The following URI1 variants were observed in gnomAD, a reference collection of about 807,000 sequenced individuals.
The protein encoded by URI1 is unconventional prefoldin RPB5 interactor 1.
Under a neutral mutation model 60.2 loss-of-function variants are expected in URI1, and 39 were observed. That is an observed-to-expected ratio of 0.65 (90% CI 0.50 to 0.85). The LOEUF is 0.85. Ranked by LOEUF, URI1 falls within the 40% of genes least tolerant of loss-of-function variation. URI1 has a pLI of 0.00. For synonymous variants in URI1, 251 were observed against 236.8 expected (o/e 1.06, Z -0.55); for missense variants, 691 against 665.9 (o/e 1.04, Z -0.42).
In URI1 at chr19:29,971,195, G is replaced by A; in HGVS notation, c.120G>A (p.Val40=). The change falls in exon 2 of 11, where the codon GTG becomes GTA. Residue 40 remains valine (V), a splice_region_variant and synonymous_variant. Transcript: ENST00000392271. The part of the protein sequence containing the change: ...VARLREEQEK[V]VTNCQERIQH... Reference sequence around the variant, plus strand: ...GTAGTTATCTGTTTTCATGACAGGTGGTCACTAACTGCCAAGAGAGAATCC... The same window carrying A: ...GTAGTTATCTGTTTTCATGACAGGTAGTCACTAACTGCCAAGAGAGAATCC... 1.2e-6 allele frequency: 2 copies of A among 1,613,144 alleles called. No homozygotes were observed. The highest frequency in any genetic ancestry group is 1.7e-6 in the Non-Finnish European group (2 of 1,179,376).
chr19:30,001,363 AAGAG>A (rs939298932), intron 4 of URI1, among the ~76,000 whole-genome samples: 1 of 151,870 alleles, frequency 6.6e-6, no homozygotes, highest in African/African-American at 2.4e-5. Context: ...GATTCTACAA[AAGAG>A]TCTTCTGATC....
chr19:29,926,319 G>T (rs2054867982), intron 1 of URI1, among the ~76,000 whole-genome samples: 2 of 146,072 alleles, frequency 1.4e-5, no homozygotes, highest in Non-Finnish European at 3.0e-5. Context: ...TTATTCTGTT[G>T]CCCAGGCTGG....
intron 4 of URI1, among the ~76,000 whole-genome samples, chr19:29,991,628 C>A (rs1312511005): frequency 6.6e-6 from 1 of 151,988 alleles, no homozygotes; most frequent in African/African-American, 2.4e-5. Context: ...CTAGGACTTG[C>A]AGTATAATAT....
chr19:29,982,836 A>G (rs891265597), intron 2 of URI1, among the ~76,000 whole-genome samples: 5 of 152,240 alleles, frequency 3.3e-5, no homozygotes, highest in African/African-American at 1.2e-4. Context: ...TTTTGGAACC[A>G]AAATAGTAGT....
Position 29,956,312 on chromosome 19 carries a change from G to T in URI1, c.117+13648G>T, listed in dbSNP as rs545290627. The stretch of plus-strand genomic sequence containing the variant: ...TTTTTTTTTTTTTTTTTTTAAGAAG[G>T]TCCAAATCAATAGGTCTTTTATTGC... On this transcript the variant is annotated intron_variant, in intron 1 of 10. Transcript: ENST00000392271. 1.4e-3 allele frequency: 854 copies of T among 601,708 alleles called. 12 individuals are homozygous for T. In the African/African-American group the frequency reaches 0.016, roughly 11 times the overall value. The allele number at this position is 601,708 out of a possible 1,614,324, so 37.3% of individuals were successfully genotyped here. A position where few individuals can be genotyped will look rare whatever the true frequency, so the allele number is the denominator to read the frequency against.
rs371088885 is a variant in URI1, at chr19:29,974,213, G to A, written c.152+2986G>A. 4.0e-5 allele frequency among the ~76,000 whole-genome samples: 6 copies of A among 151,886 alleles called. No homozygotes were observed. In the East Asian group the frequency reaches 7.7e-4, roughly 20 times the overall value. On this transcript the variant is annotated intron_variant, in intron 2 of 10. Transcript: ENST00000392271. ...CAGGGTTGTAGTGAAGATCAAATGA[G>A]ATCATGTCTGTAGAACACCCTGCCC...
intron 4 of URI1, among the ~76,000 whole-genome samples, chr19:30,002,431 C>G (rs2055890389): frequency 1.3e-5 from 2 of 151,944 alleles, no homozygotes; most frequent in Admixed American, 6.6e-5. Flanking sequence ...TTTTTCATAG[C>G]TAACTCAAAG....
chr19:30,005,283 G>A, intron 4 of URI1, 78 bp from the exon 5 acceptor site: 3 of 773,962 alleles, frequency 3.9e-6, no homozygotes, highest in Non-Finnish European at 6.2e-6. Flanking sequence ...CTTGTAGTGT[G>A]ATAGGACTAC....
At chr19:30,004,964 T>A (rs1396779105) in intron 4 of URI1, among the ~76,000 whole-genome samples, 1 of 152,024 alleles carries the variant, frequency 6.6e-6, no homozygotes, top group East Asian at 1.9e-4. Flanking sequence ...GAATAACTTG[T>A]CTTAATCTAT....
intron 2 of URI1, among the ~76,000 whole-genome samples, chr19:29,983,834 T>C (rs1008572640): frequency 6.6e-6 from 1 of 152,214 alleles, no homozygotes; most frequent in Non-Finnish European, 1.5e-5. Context: ...TCTCTGCCCC[T>C]ACAGAGTTAC....
chr19:29,985,809 C>G (rs2055661174), intron 3 of URI1, among the ~76,000 whole-genome samples: 1 of 152,100 alleles, frequency 6.6e-6, no homozygotes, highest in Non-Finnish European at 1.5e-5. Flanking sequence ...TTCTTTTATA[C>G]TAGTCCAAGT....
At chr19:29,974,696 G>A (rs1011083917) in intron 2 of URI1, among the ~76,000 whole-genome samples, 1 of 152,196 alleles carries the variant, frequency 6.6e-6, no homozygotes, top group Admixed American at 6.5e-5. Flanking sequence ...CACCCAGATA[G>A]CATAGTACCC....
chr19:29,969,539 ATG>A (rs2055432681), intron 1 of URI1, among the ~76,000 whole-genome samples: 1 of 152,216 alleles, frequency 6.6e-6, no homozygotes, highest in Admixed American at 6.5e-5. Flanking sequence ...ATGATTATGA[ATG>A]TGTAACTAGT....
intron 2 of URI1, among the ~76,000 whole-genome samples, chr19:29,982,968 A>G (rs1024767538): frequency 5.3e-5 from 8 of 152,310 alleles, no homozygotes; most frequent in African/African-American, 1.9e-4. Flanking sequence ...TGTAAATTGC[A>G]TGTAGAGCTT....
chr19:29,951,385 T>G (rs1010614566), intron 1 of URI1, among the ~76,000 whole-genome samples: 3 of 152,166 alleles, frequency 2.0e-5, no homozygotes, highest in African/African-American at 7.2e-5. Flanking sequence ...TTAGTTTATG[T>G]TTTTCGAGCA....
intron 1 of URI1, among the ~76,000 whole-genome samples, chr19:29,959,402 C>CA (rs1330066652): frequency 6.6e-6 from 1 of 152,204 alleles, no homozygotes; most frequent in Admixed American, 6.5e-5. Flanking sequence ...TGATGGACTA[C>CA]AGGCTAGTCA....
intron 1 of URI1, among the ~76,000 whole-genome samples, chr19:29,961,020 A>T (rs1163539478): frequency 2.0e-5 from 3 of 149,814 alleles, no homozygotes; most frequent in African/African-American, 7.4e-5. Flanking sequence ...CTAGCTAATT[A>T]AAAAAAAAAA....
At chr19:29,942,064 C>A (rs1284946760), upstream of URI1, among the ~76,000 whole-genome samples, 4 of 151,786 alleles carry the variant, frequency 2.6e-5, no homozygotes, top group African/African-American at 9.7e-5. Flanking sequence ...AAAGAAATAT[C>A]GGCATAAAAT....
At chr19:30,002,556 C>T (rs903362412) in intron 4 of URI1, among the ~76,000 whole-genome samples, 1 of 151,950 alleles carries the variant, frequency 6.6e-6, no homozygotes, top group Admixed American at 6.6e-5. Flanking sequence ...TAAATAAAAA[C>T]TATACCTCAT....
Sources: gnomAD v4.1 joint callset for allele counts (sites outside exome capture counted in the v4.1 genomes callset) on GRCh38, gnomAD v4.1.1 for gene constraint, MANE v1.5 for transcripts, NCBI Gene and HGNC (gene_info 2026-07-23, HGNC 2026-07-21) for gene names.